ST6GALNAC3: variants seen among roughly 807,000 people sequenced by gnomAD.
The protein encoded by ST6GALNAC3 is alpha-N-acetylgalactosaminide alpha-2,6-sialyltransferase 3.
A neutral mutation model predicts 32.7 loss-of-function variants in ST6GALNAC3; 25 were observed. The observed-to-expected ratio is 0.76, with a 90% CI of 0.56 to 1.07. The LOEUF (loss-of-function observed/expected upper bound fraction) is 1.07. Among genes scored for constraint, ST6GALNAC3 ranks in the 50% least tolerant of loss-of-function variants. The pLI is 0.00. For missense variants in ST6GALNAC3, 355 were observed against 382.4 expected (o/e 0.93, Z 0.60); for synonymous variants, 129 against 133.1 (o/e 0.97, Z 0.21).
chr1:76,188,090 G>A (rs565311860), intron 1 of ST6GALNAC3, among the ~76,000 whole-genome samples: 17 of 152,258 alleles, frequency 1.1e-4, no homozygotes, highest in African/African-American at 2.2e-4. Context: ...TGGGCCAGGC[G>A]CGGTGGCTCA....
chr1:76,229,086 A>G (rs1395623781), intron 1 of ST6GALNAC3, among the ~76,000 whole-genome samples: 3 of 152,154 alleles, frequency 2.0e-5, no homozygotes, highest in Admixed American at 1.3e-4. Context: ...GCCAGACCCT[A>G]TATGAAAACA....
intron 3 of ST6GALNAC3, among the ~76,000 whole-genome samples, chr1:76,533,834 T>C (rs1005887977): frequency 6.6e-6 from 1 of 152,166 alleles, no homozygotes; most frequent in African/African-American, 2.4e-5. Context: ...ACCTTATTCT[T>C]CAGTAAGTCT....
intron 2 of ST6GALNAC3, among the ~76,000 whole-genome samples, chr1:76,352,967 C>T (rs562793404): frequency 2.0e-5 from 3 of 152,144 alleles, no homozygotes; most frequent in Non-Finnish European, 4.4e-5. Context: ...TAATCCAAGA[C>T]ACCATCTGCT....
intron 2 of ST6GALNAC3, among the ~76,000 whole-genome samples, chr1:76,320,276 C>G (rs989113257): frequency 7.9e-5 from 12 of 152,166 alleles, no homozygotes; most frequent in Non-Finnish European, 1.3e-4. Context: ...ATATGGAAAG[C>G]TACAGTAAAG....
Position 76,472,101 on chromosome 1 carries a change from C to T in ST6GALNAC3, c.623+59684C>T, listed in dbSNP as rs558339533. 1.9e-3 allele frequency among the ~76,000 whole-genome samples: 292 copies of T among 152,108 alleles called. 1 individual carries two copies. The highest frequency in any genetic ancestry group is 6.5e-3 in the African/African-American group (268 of 41,520). ...CTTTCAAGTACAATAGAACATCTTG[C>T]CTTCATTTGTGAGTTTCTTGTTTGA... On this transcript the variant is annotated intron_variant, in intron 3 of 4. Coordinates refer to ENST00000328299, the MANE Select transcript of ST6GALNAC3 (RefSeq NM_152996.4).
chr1:76,213,063 A>C (rs916396685), intron 1 of ST6GALNAC3, among the ~76,000 whole-genome samples: 20 of 152,348 alleles, frequency 1.3e-4, no homozygotes, highest in Non-Finnish European at 2.5e-4. Context: ...TTTTCAAATA[A>C]TCCGAATTAG....
At chr1:76,235,484 G>A (rs1176903429) in intron 1 of ST6GALNAC3, among the ~76,000 whole-genome samples, 1 of 152,006 alleles carries the variant, frequency 6.6e-6, no homozygotes, top group Non-Finnish European at 1.5e-5. Flanking sequence ...TCCAGCCTGG[G>A]CAACAGAGCA....
intron 3 of ST6GALNAC3, among the ~76,000 whole-genome samples, chr1:76,624,990 G>T (rs1490881352): frequency 2.0e-5 from 3 of 151,946 alleles, no homozygotes; most frequent in Non-Finnish European, 4.4e-5. Context: ...ACTGTTGAGG[G>T]TGATGATCAC....
intron 3 of ST6GALNAC3, among the ~76,000 whole-genome samples, chr1:76,587,531 T>G (rs751944317): frequency 1.9e-4 from 29 of 152,334 alleles, no homozygotes; most frequent in Non-Finnish European, 3.8e-4. Context: ...ATGCAGCATA[T>G]GCTTGCACAC....
intron 2 of ST6GALNAC3, among the ~76,000 whole-genome samples, chr1:76,355,023 C>T (rs1173916700): frequency 6.6e-6 from 1 of 152,154 alleles, no homozygotes; most frequent in African/African-American, 2.4e-5. Context: ...TCCTTAGCAT[C>T]TTATCTGGAT....
intron 1 of ST6GALNAC3, among the ~76,000 whole-genome samples, chr1:76,195,060 C>G (rs1349947643): frequency 6.6e-6 from 1 of 152,156 alleles, no homozygotes; most frequent in Non-Finnish European, 1.5e-5. Context: ...AATATCTCAT[C>G]AGAAAAGGCT....
At chr1:76,279,500 G>A (rs1659374317) in intron 1 of ST6GALNAC3, among the ~76,000 whole-genome samples, 1 of 152,222 alleles carries the variant, frequency 6.6e-6, no homozygotes, top group Non-Finnish European at 1.5e-5. Flanking sequence ...CGGGTGGGGG[G>A]AATGTTGTTA....
chr1:76,580,173 A>G (rs1244007268), intron 3 of ST6GALNAC3, among the ~76,000 whole-genome samples: 5 of 152,112 alleles, frequency 3.3e-5, no homozygotes, highest in Non-Finnish European at 7.4e-5. Context: ...CATGGATTTA[A>G]AATTTGTTGA....
intron 1 of ST6GALNAC3, among the ~76,000 whole-genome samples, chr1:76,225,779 A>G (rs1351011727): frequency 1.3e-5 from 2 of 152,174 alleles, no homozygotes; most frequent in Non-Finnish European, 2.9e-5. Flanking sequence ...ATGAGAGGCA[A>G]TGAGTGTTGT....
At chr1:76,372,575 A>C (rs1483129393) in intron 2 of ST6GALNAC3, among the ~76,000 whole-genome samples, 1 of 152,134 alleles carries the variant, frequency 6.6e-6, no homozygotes, top group Non-Finnish European at 1.5e-5. Flanking sequence ...TTAAAACTTC[A>C]GTGTCAATGG....
chr1:76,595,645 A>AT (rs773748393), intron 3 of ST6GALNAC3, among the ~76,000 whole-genome samples: 1 of 151,786 alleles, frequency 6.6e-6, no homozygotes, highest in East Asian at 1.9e-4. Context: ...CTGATGTGTA[A>AT]TTTTCAATGC....
At chr1:76,152,723 T>C (rs558037711) in intron 1 of ST6GALNAC3, among the ~76,000 whole-genome samples, 3 of 152,174 alleles carry the variant, frequency 2.0e-5, no homozygotes, top group Non-Finnish European at 4.4e-5. Context: ...GACTCTGAAC[T>C]TGTGAGACTA....
intron 1 of ST6GALNAC3, among the ~76,000 whole-genome samples, chr1:76,076,701 CTG>C (rs1216365397): frequency 6.6e-6 from 1 of 152,178 alleles, no homozygotes; most frequent in African/African-American, 2.4e-5. Flanking sequence ...TATCCTCAGT[CTG>C]TTTCTTATAA....
intron 1 of ST6GALNAC3, among the ~76,000 whole-genome samples, chr1:76,259,344 T>G (rs1189506981): frequency 6.6e-6 from 1 of 152,256 alleles, no homozygotes; most frequent in East Asian, 1.9e-4. Context: ...TCAGAGGAGA[T>G]CCAATGTTCC....
Sources: gnomAD v4.1 joint callset for allele counts (sites outside exome capture counted in the v4.1 genomes callset) on GRCh38, gnomAD v4.1.1 for gene constraint, MANE v1.5 for transcripts, NCBI Gene and HGNC (gene_info 2026-07-23, HGNC 2026-07-21) for gene names.